PSG6: variants seen among roughly 807,000 people sequenced by gnomAD.
PSG6 encodes the protein pregnancy specific beta-1-glycoprotein 6.
A neutral mutation model predicts 43.3 loss-of-function variants in PSG6; 51 were observed. The observed-to-expected ratio is 1.18, with a 90% CI of 0.94 to 1.49. The LOEUF is 1.49. Ranked by LOEUF, PSG6 falls within the 40% of genes most tolerant of loss-of-function variation. The probability of loss-of-function intolerance (pLI) is 0.00; values close to 1 mark genes in which losing one functional copy is unlikely to be tolerated. For missense variants in PSG6, 770 were observed against 522.2 expected (o/e 1.47, Z -4.62); for synonymous variants, 292 against 197.6 (o/e 1.48, Z -4.01).
Position 42,907,660 on chromosome 19 carries a change from T to C in PSG6, c.901A>G (p.Arg301Gly). The C allele has an allele frequency of 6.2e-7, 1 of 1,611,374 alleles. No individual in the cohort carries two copies. The highest frequency in any genetic ancestry group is 8.5e-7 in the Non-Finnish European group (1 of 1,179,134). ...NRILILPSVTRNETGPYQCEI... is the reference protein window; with the variant it reads ...NRILILPSVTGNETGPYQCEI... The stretch of plus-strand genomic sequence containing the variant: ...CATTGATAGGGTCCTGTTTCATTTC[T>C]CGTGACACTGGGTAGAATGAGTATC... Residue 301 changes from arginine (R) to glycine (G), a missense_variant, in exon 4 of 6, where the codon AGA becomes GGA. Physicochemically the swap from Arg to Gly is moderately radical, Grantham distance 125. Coordinates refer to ENST00000187910, the MANE Select transcript of PSG6 (RefSeq NM_001031850.4).
chr19:42,910,364 A>C (rs781103963), intron 3 of PSG6: 75 of 1,229,344 alleles, frequency 6.1e-5, no homozygotes, highest in Middle Eastern at 5.5e-4. Context: ...AAGCTGTGGA[A>C]CCTGAGTCTC....
chr19:42,908,607 C>G (rs1460816142), intron 3 of PSG6, among the ~76,000 whole-genome samples: 1 of 151,740 alleles, frequency 6.6e-6, no homozygotes, highest in Admixed American at 6.6e-5. Flanking sequence ...GTTTCCTCTC[C>G]TTCTGCAGAG....
At chr19:42,911,266 C>T (rs192185746) in intron 2 of PSG6, among the ~76,000 whole-genome samples, 2 of 151,668 alleles carry the variant, frequency 1.3e-5, no homozygotes, top group Non-Finnish European at 2.9e-5. Flanking sequence ...GTTTTCTCAT[C>T]AGCTTCCCTT....
rs1405746042 is a variant in PSG6, at chr19:42,915,914, C to T, written c.427+211G>A. On this transcript the variant is annotated intron_variant, in intron 2 of 5. Transcript: ENST00000187910. Reference sequence around the variant, plus strand: ...CCATCAGACTGTCCTTCCTCTGCAGCGAGTGTCTGCAGGGTCTGGATGCGG... The same window carrying T: ...CCATCAGACTGTCCTTCCTCTGCAGTGAGTGTCTGCAGGGTCTGGATGCGG... The T allele has an allele frequency of 6.2e-5, 44 of 714,322 alleles. 1 individual carries two copies. The highest frequency in any genetic ancestry group is 9.2e-5 in the Non-Finnish European group (43 of 466,386). The allele number at this position is 714,322 out of a possible 1,614,324, so 44.2% of individuals were successfully genotyped here.
At chr19:42,906,717 G>C in intron 5 of PSG6, 1 of 1,504,864 alleles carries the variant, frequency 6.6e-7, no homozygotes, top group Non-Finnish European at 8.9e-7. Context: ...TCTCAGGCCA[G>C]ACACAAGGTC....
chr19:42,907,637 T>C lies in PSG6; in HGVS notation c.924A>G (p.Gln308=), dbSNP rs770179988. 8.1e-6 allele frequency: 13 copies of C among 1,611,652 alleles called. No homozygotes were observed. Among genetic ancestry groups the C allele is most frequent in the African/African-American group, 4.0e-5 (3 of 74,732 alleles). The part of the protein sequence containing the change: ...SVTRNETGPY[Q]CEIRDRYGGI... ...CACCATATCGGTCCCGTATTTCACA[T>C]TGATAGGGTCCTGTTTCATTTCTCG... is the stretch of plus-strand genomic sequence containing the variant. The change falls in exon 4 of 6, where the codon CAA becomes CAG. Residue 308 remains glutamine (Q), a synonymous_variant. Transcript: ENST00000187910.
chr19:42,916,502 C>T lies in PSG6; in HGVS notation c.65-15G>A, dbSNP rs184490216. The T allele has an allele frequency of 1.4e-4, 224 of 1,602,746 alleles. 15 individuals are homozygous for T. The highest frequency in any genetic ancestry group is 1.3e-3 in the South Asian group (118 of 88,620). ...TAAAAGTGATGCTAGGAGGTAGAGA[C>T]AGCATCAGTTAATATTTGGACCTAT... On this transcript the variant is annotated splice_polypyrimidine_tract_variant and intron_variant, in intron 1 of 5. Coordinates refer to ENST00000187910, the MANE Select transcript of PSG6 (RefSeq NM_001031850.4).
chr19:42,917,261 A>G (rs977051481), intron 1 of PSG6, among the ~76,000 whole-genome samples: 1 of 150,984 alleles, frequency 6.6e-6, no homozygotes, highest in African/African-American at 2.4e-5. Flanking sequence ...TTCCGGTTCA[A>G]TGTGACTTTC....
intron 3 of PSG6, chr19:42,909,682 A>G (rs1259400415): frequency 3.3e-5 from 5 of 151,682 alleles, no homozygotes; most frequent in Non-Finnish European, 7.4e-5. Flanking sequence ...GTTAATGTGA[A>G]TTGAAATTCT....
intron 3 of PSG6, among the ~76,000 whole-genome samples, chr19:42,908,998 C>A (rs1234861503): frequency 1.3e-5 from 2 of 151,584 alleles, no homozygotes; most frequent in Non-Finnish European, 2.9e-5. Flanking sequence ...CTATAGTTCA[C>A]ACAGATTATC....
intron 5 of PSG6, among the ~76,000 whole-genome samples, chr19:42,904,265 C>T (rs1262820197): frequency 6.6e-6 from 1 of 151,596 alleles, no homozygotes; most frequent in Non-Finnish European, 1.5e-5. Flanking sequence ...GCTATTGACA[C>T]TTTTATTCAA....
chr19:42,913,817 C>G (rs1303704819), intron 2 of PSG6, among the ~76,000 whole-genome samples: 1 of 151,564 alleles, frequency 6.6e-6, no homozygotes, highest in Non-Finnish European at 1.5e-5. Flanking sequence ...CAGATTCAAG[C>G]ACTAACAGAT....
At chr19:42,912,340 A>G (rs1490970558) in intron 2 of PSG6, among the ~76,000 whole-genome samples, 1 of 151,746 alleles carries the variant, frequency 6.6e-6, no homozygotes, top group African/African-American at 2.4e-5. Context: ...ATGTTTTCAT[A>G]AGTGGAAATT....
rs1437802223 is a variant in PSG6, at chr19:42,909,462, G to A, written c.706+1118C>T. On this transcript the variant is annotated intron_variant, in intron 3 of 5. Coordinates refer to ENST00000187910, the MANE Select transcript of PSG6 (RefSeq NM_001031850.4). Reference sequence around the variant, plus strand: ...TAAATTCTGCAAAAAATGTTACTGGGATTCTGGTAGGGGTTGCATTGAATC... The same window carrying A: ...TAAATTCTGCAAAAAATGTTACTGGAATTCTGGTAGGGGTTGCATTGAATC... 1.3e-5 allele frequency among the ~76,000 whole-genome samples: 2 copies of A among 151,512 alleles called. 1 individual carries two copies. The highest frequency in any genetic ancestry group is 2.9e-5 in the Non-Finnish European group (2 of 67,904).
intron 2 of PSG6, among the ~76,000 whole-genome samples, chr19:42,912,299 G>A (rs979082464): frequency 1.3e-5 from 2 of 151,414 alleles, no homozygotes; most frequent in African/African-American, 4.9e-5. Flanking sequence ...TCTGACTCTA[G>A]TAACAAAAAA....
chr19:42,916,295 C>G lies in PSG6; in HGVS notation c.257G>C (p.Gly86Ala), dbSNP rs569938744. 3 of 1,612,092 alleles carry G rather than the reference C, an allele frequency of 1.9e-6. No individual in the cohort carries two copies. The highest frequency in any genetic ancestry group is 2.2e-5 in the South Asian group (2 of 90,634). ...YHYITSYVVH[G>A]QIIYGPAYSG... ...GTAGGCAGGCCCATATATAATTTGA[C>G]CGTGTACTACATATGATGTAATGTA... The change falls in exon 2 of 6, where the codon GGT (glycine) becomes GCT (alanine). Residue 86 changes from glycine (G) to alanine (A), a missense_variant. By Grantham distance (60) the Gly-to-Ala change is moderately conservative. Transcript: ENST00000187910.
chr19:42,903,801 G>A, intron 5 of PSG6: 1 of 1,442,434 alleles, frequency 6.9e-7, no homozygotes, highest in Non-Finnish European at 9.1e-7. Flanking sequence ...GCTGAAGAAG[G>A]AGAATTGCTT....
chr19:42,913,304 C>A (rs1039247515), intron 2 of PSG6, among the ~76,000 whole-genome samples: 9 of 151,586 alleles, frequency 5.9e-5, no homozygotes, highest in Admixed American at 1.3e-4. Context: ...GTGACCACCA[C>A]CATGCCCAGC....
At chr19:42,907,200 C>G (rs200605854) in intron 4 of PSG6, 24 bp from the exon 5 acceptor site, 1 of 1,603,622 alleles carries the variant, frequency 6.2e-7, no homozygotes, top group Admixed American at 1.7e-5. Context: ...AATAAAGCCA[C>G]AGGTGATGTC....
Sources: gnomAD v4.1 joint callset for allele counts (sites outside exome capture counted in the v4.1 genomes callset) on GRCh38, gnomAD v4.1.1 for gene constraint, MANE v1.5 for transcripts, NCBI Gene and HGNC (gene_info 2026-07-23, HGNC 2026-07-21) for gene names.